Variants in RSPH14 observed in about 807,000 individuals in gnomAD.
The protein encoded by RSPH14 is rhabdoid tumor deletion region gene 1.
Under a neutral mutation model 26.7 loss-of-function variants are expected in RSPH14, and 20 were observed. The observed-to-expected ratio is 0.75, with a 90% confidence interval of 0.53 to 1.09. The LOEUF (loss-of-function observed/expected upper bound fraction) is 1.09. Among genes scored for constraint, RSPH14 ranks in the 50% least tolerant of loss-of-function variants. The probability of loss-of-function intolerance (pLI) is 0.00; values close to 1 mark genes in which losing one functional copy is unlikely to be tolerated. For synonymous variants in RSPH14, 177 were observed against 189.3 expected, an observed-to-expected ratio of 0.93 and a Z score of 0.53; for missense variants, 449 against 457.2, an observed-to-expected ratio of 0.98 and a Z score of 0.16.
At chr22:23,140,004 T>C (rs909312016) in intron 2 of RSPH14, among the ~76,000 whole-genome samples, 5 of 152,230 alleles carry the variant, frequency 3.3e-5, no homozygotes, top group African/African-American at 9.6e-5. Flanking sequence ...AAGGTTACAG[T>C]GAGCTATGAT....
At chr22:23,115,383 C>T (rs139110288) in intron 4 of RSPH14, among the ~76,000 whole-genome samples, 84 of 152,286 alleles carry the variant, frequency 5.5e-4, no homozygotes, top group African/African-American at 1.9e-3. Context: ...AGGGAGGTGA[C>T]GGTCCCACCA....
At chr22:23,110,392 G>A (rs1323902803) in intron 4 of RSPH14, among the ~76,000 whole-genome samples, 1 of 152,210 alleles carries the variant, frequency 6.6e-6, no homozygotes, top group Non-Finnish European at 1.5e-5. Flanking sequence ...AGCGAGCCAC[G>A]TTCTGGGGCC....
chr22:23,169,362 C>T, the RSPH14 span, among the ~76,000 whole-genome samples: 1 of 152,236 alleles, frequency 6.6e-6, no homozygotes, highest in Non-Finnish European at 1.5e-5. Context: ...ATGGTGGTCA[C>T]ATGGCCACAT....
At chr22:23,115,831 T>C (rs1344762908) in intron 4 of RSPH14, among the ~76,000 whole-genome samples, 1 of 152,258 alleles carries the variant, frequency 6.6e-6, no homozygotes, top group Non-Finnish European at 1.5e-5. Context: ...CAGGAAATTC[T>C]GTTCAAGTTT....
the RSPH14 span, among the ~76,000 whole-genome samples, chr22:23,170,686 T>A: frequency 6.6e-6 from 1 of 151,830 alleles, no homozygotes; most frequent in Non-Finnish European, 1.5e-5. Context: ...TGAGCTGAGA[T>A]CATGCCACTG....
Position 23,059,415 on chromosome 22 carries a change from TAAAG to T in RSPH14, c.*43_*46del, listed in dbSNP as rs1484271193. 5.3e-6 allele frequency: 8 copies of T among 1,523,448 alleles called. No individual in the cohort carries two copies. Among genetic ancestry groups the T allele is most frequent in the Non-Finnish European group, 7.1e-6 (8 of 1,131,162 alleles). 94.4% of individuals were successfully genotyped at this position (1,523,448 alleles called of 1,614,324 possible). A position where few individuals can be genotyped will look rare whatever the true frequency, so the allele number is the denominator to read the frequency against. On this transcript the variant is annotated 3_prime_UTR_variant, in exon 7 of 7. Coordinates refer to ENST00000216036, the MANE Select transcript of RSPH14 (RefSeq NM_014433.3). ...CAGAAAGTGCCATTCGGACCCGAGA[TAAAG>T]AGACTTAGCACATTTATTCACTCAC...
At chr22:23,163,813 G>T in the RSPH14 span, 1 of 152,190 alleles carries the variant, frequency 6.6e-6, no homozygotes, top group South Asian at 2.1e-4. Flanking sequence ...GCTCCTTCTG[G>T]ACATACTGCC....
At chr22:23,151,113 T>C in the RSPH14 span, among the ~76,000 whole-genome samples, 1 of 152,342 alleles carries the variant, frequency 6.6e-6, no homozygotes, top group Middle Eastern at 3.4e-3. Flanking sequence ...AGAGGTGCGA[T>C]GAGGCTGCCA....
chr22:23,176,937 A>T, the RSPH14 span, among the ~76,000 whole-genome samples: 5 of 152,252 alleles, frequency 3.3e-5, no homozygotes, highest in African/African-American at 1.2e-4. Context: ...GATGCTCAGT[A>T]ATCACACGGG....
At chr22:23,152,375 G>C in the RSPH14 span, 1 of 1,399,336 alleles carries the variant, frequency 7.1e-7, no homozygotes, top group Non-Finnish European at 1.0e-6. Flanking sequence ...CTCACCAGCA[G>C]AGAGCTCAGG....
chr22:23,080,498 C>T (rs1000501759), intron 4 of RSPH14, among the ~76,000 whole-genome samples: 3 of 152,296 alleles, frequency 2.0e-5, no homozygotes, highest in African/African-American at 4.8e-5. Flanking sequence ...CCCATCTGCT[C>T]GGACTATGGC....
chr22:23,081,821 C>CAAAAAA (rs55713577), intron 4 of RSPH14, among the ~76,000 whole-genome samples: 3 of 46,746 alleles, frequency 6.4e-5, no homozygotes, highest in Non-Finnish European at 1.1e-4. Flanking sequence ...GATTCCATCT[C>CAAAAAA]AAAAAAAAAA....
upstream of RSPH14, among the ~76,000 whole-genome samples, chr22:23,143,887 T>C (rs2070650765): frequency 6.6e-6 from 1 of 151,968 alleles, no homozygotes; most frequent in South Asian, 2.1e-4. Flanking sequence ...GGCCAGGAGT[T>C]CAAAACCAGC....
At chr22:23,145,144 GC>G, upstream of RSPH14, 1 of 585,470 alleles carries the variant, frequency 1.7e-6, no homozygotes, top group Admixed American at 3.0e-5. Flanking sequence ...TGCCATAACC[GC>G]CCAACCTCTC....
chr22:23,075,663 C>G (rs1199576784), intron 4 of RSPH14, among the ~76,000 whole-genome samples: 5 of 152,256 alleles, frequency 3.3e-5, no homozygotes, highest in Non-Finnish European at 7.3e-5. Flanking sequence ...AGGGGCCTTA[C>G]ACATAGTGTC....
chr22:23,072,402 T>G (rs2068402250), intron 4 of RSPH14, among the ~76,000 whole-genome samples: 1 of 152,180 alleles, frequency 6.6e-6, no homozygotes, highest in African/African-American at 2.4e-5. Flanking sequence ...GGTTTAAAAG[T>G]CTTCCTGTGT....
At chr22:23,148,435 G>A (rs1490789591), upstream of RSPH14, among the ~76,000 whole-genome samples, 4 of 152,196 alleles carry the variant, frequency 2.6e-5, no homozygotes, top group Non-Finnish European at 5.9e-5. Flanking sequence ...CAGAGTTAAG[G>A]AGGGTTGCCT....
the RSPH14 span, chr22:23,152,374 A>G: frequency 2.2e-6 from 3 of 1,363,544 alleles, no homozygotes; most frequent in Admixed American, 3.4e-5. Flanking sequence ...TCTCACCAGC[A>G]GAGAGCTCAG....
At chr22:23,102,083 G>C (rs972796088) in intron 4 of RSPH14, among the ~76,000 whole-genome samples, 17 of 152,338 alleles carry the variant, frequency 1.1e-4, no homozygotes, top group African/African-American at 4.1e-4. Context: ...CAACACTTGT[G>C]AACAGCCCCT....
Sources: gnomAD v4.1 joint callset for allele counts (sites outside exome capture counted in the v4.1 genomes callset) on GRCh38, gnomAD v4.1.1 for gene constraint, MANE v1.5 for transcripts, NCBI Gene and HGNC (gene_info 2026-07-23, HGNC 2026-07-21) for gene names.